The following SHISA6 variants were observed in gnomAD, a reference collection of about 807,000 sequenced individuals.
SHISA6 encodes the protein protein shisa-6.
SHISA6 carries 22 observed loss-of-function variants against 47.9 expected under a neutral mutation model. That is an observed-to-expected ratio of 0.46 (90% CI 0.33 to 0.66). The LOEUF (loss-of-function observed/expected upper bound fraction) is 0.66, where lower values mean the gene tolerates loss of function less well. Among genes scored for constraint, SHISA6 ranks in the 30% least tolerant of loss-of-function variants. The probability of loss-of-function intolerance (pLI) is 0.02; values close to 1 mark genes in which losing one functional copy is unlikely to be tolerated. For synonymous variants in SHISA6, 388 were observed against 337.8 expected (o/e 1.15, Z -1.63); for missense variants, 680 against 764.6 (o/e 0.89, Z 1.30).
chr17:11,381,914 A>T (rs569581454), intron 3 of SHISA6, among the ~76,000 whole-genome samples: 1 of 152,086 alleles, frequency 6.6e-6, no homozygotes, highest in Non-Finnish European at 1.5e-5. Flanking sequence ...TCCTTTCTCT[A>T]CCAAGGCTTC....
chr17:11,549,725 C>T (rs1288086402), intron 3 of SHISA6, among the ~76,000 whole-genome samples: 1 of 152,182 alleles, frequency 6.6e-6, no homozygotes, highest in Non-Finnish European at 1.5e-5. Context: ...TCCAGAAACT[C>T]CAGACTGAAT....
intron 3 of SHISA6, among the ~76,000 whole-genome samples, chr17:11,550,221 T>C (rs545914061): frequency 1.6e-4 from 25 of 152,210 alleles, no homozygotes; most frequent in Admixed American, 1.6e-3. Context: ...CATGTCTGTA[T>C]AATTTTTGTA....
intron 3 of SHISA6, among the ~76,000 whole-genome samples, chr17:11,430,757 T>C (rs1914748435): frequency 6.6e-6 from 1 of 152,178 alleles, no homozygotes; most frequent in Admixed American, 6.5e-5. Flanking sequence ...CCTACAGCAT[T>C]ACTCAGAGGT....
intron 3 of SHISA6, among the ~76,000 whole-genome samples, chr17:11,534,333 T>C (rs918616314): frequency 6.6e-6 from 1 of 151,978 alleles, no homozygotes; most frequent in Non-Finnish European, 1.5e-5. Context: ...AAATATTTAT[T>C]GAGCAATTGA....
chr17:11,430,671 C>A (rs987774390), intron 3 of SHISA6, among the ~76,000 whole-genome samples: 1 of 152,108 alleles, frequency 6.6e-6, no homozygotes, highest in Non-Finnish European at 1.5e-5. Flanking sequence ...CCTTGGCTGA[C>A]CTGGGCTCCA....
At chr17:11,381,086 G>C (rs1429704830) in intron 3 of SHISA6, among the ~76,000 whole-genome samples, 3 of 152,150 alleles carry the variant, frequency 2.0e-5, no homozygotes, top group African/African-American at 7.2e-5. Flanking sequence ...GGATTGTTGG[G>C]GGCCAATTCG....
At chr17:11,455,744 G>A (rs552448396) in intron 3 of SHISA6, among the ~76,000 whole-genome samples, 1 of 152,210 alleles carries the variant, frequency 6.6e-6, no homozygotes, top group African/African-American at 2.4e-5. Context: ...TTTAGAAGGC[G>A]ACATCCTCAC....
intron 2 of SHISA6, among the ~76,000 whole-genome samples, chr17:11,313,503 G>A (rs1910403877): frequency 6.6e-6 from 1 of 152,142 alleles, no homozygotes; most frequent in Non-Finnish European, 1.5e-5. Context: ...ATCCAGAAAC[G>A]AGTAATCAGA....
At chr17:11,276,349 C>T (rs147361506) in intron 2 of SHISA6, among the ~76,000 whole-genome samples, 14 of 152,038 alleles carry the variant, frequency 9.2e-5, no homozygotes, top group South Asian at 8.3e-4. Flanking sequence ...TTGCATCACC[C>T]GGGTGATGGG....
chr17:11,427,147 GT>G (rs933229784), intron 3 of SHISA6, among the ~76,000 whole-genome samples: 4 of 152,028 alleles, frequency 2.6e-5, no homozygotes, highest in African/African-American at 9.7e-5. Context: ...TGTTGTTGTT[GT>G]TTTGAGACAG....
intron 3 of SHISA6, among the ~76,000 whole-genome samples, chr17:11,526,647 C>G (rs1302811916): frequency 1.3e-5 from 2 of 151,944 alleles, no homozygotes; most frequent in African/African-American, 2.4e-5. Flanking sequence ...TACTTAGAAC[C>G]CAATGATAGT....
chr17:11,261,038 A>G (rs945883816), intron 1 of SHISA6, among the ~76,000 whole-genome samples: 2 of 151,970 alleles, frequency 1.3e-5, no homozygotes, highest in Non-Finnish European at 2.9e-5. Flanking sequence ...AGAATCGCAC[A>G]TTTCAGAACT....
intron 2 of SHISA6, among the ~76,000 whole-genome samples, chr17:11,371,833 T>G (rs976541566): frequency 6.6e-6 from 1 of 152,002 alleles, no homozygotes; most frequent in Non-Finnish European, 1.5e-5. Flanking sequence ...ATTCAAAAAT[T>G]AAAGAAAATA....
Position 11,263,392 on chromosome 17 carries a change from A to G in SHISA6, c.665A>G (p.Gln222Arg), listed in dbSNP as rs1286363249. ...GCTCTGGCTGACATCTTAAGACAAC[A>G]GGGACCAATCCCCATAGCACACTGT... ...HRALADILRQ[Q>R]GPIPIAHCER... The change falls in exon 2 of 6, where the codon CAG becomes CGG. Residue 222 changes from glutamine (Q) to arginine (R), a missense_variant. Physicochemically the swap from Gln to Arg is conservative, Grantham distance 43. Coordinates refer to ENST00000441885, the MANE Select transcript of SHISA6 (RefSeq NM_207386.4). The G allele has an allele frequency of 1.9e-5, 30 of 1,552,046 alleles. No homozygotes were observed. Among genetic ancestry groups the G allele is most frequent in the Non-Finnish European group, 2.5e-5 (29 of 1,147,110 alleles).
At chr17:11,333,250 A>T (rs1438281877) in intron 2 of SHISA6, among the ~76,000 whole-genome samples, 2 of 152,112 alleles carry the variant, frequency 1.3e-5, no homozygotes, top group Non-Finnish European at 2.9e-5. Context: ...AGAGTGTGGA[A>T]CTATAAGAAA....
chr17:11,521,343 C>T (rs117189244), intron 3 of SHISA6, among the ~76,000 whole-genome samples: 1 of 152,064 alleles, frequency 6.6e-6, no homozygotes, highest in African/African-American at 2.4e-5. Context: ...TCAATTCATC[C>T]TTATTCTAAG....
intron 3 of SHISA6, among the ~76,000 whole-genome samples, chr17:11,446,224 A>G (rs916593567): frequency 6.6e-6 from 1 of 152,230 alleles, no homozygotes; most frequent in Admixed American, 6.5e-5. Flanking sequence ...ATGCAGAGGG[A>G]AGAGCGTAGG....
chr17:11,258,195 G>A lies in SHISA6; in HGVS notation c.639-5171G>A, dbSNP rs903265987. On this transcript the variant is annotated intron_variant, in intron 1 of 5. Transcript: ENST00000441885. Reference sequence around the variant, plus strand: ...CATTTTCTTCCTACCATCCCGAAAAGAGAAAGGGCATGATTAGGGCTCGAA... The same window carrying A: ...CATTTTCTTCCTACCATCCCGAAAAAAGAAAGGGCATGATTAGGGCTCGAA... Among the ~76,000 whole-genome samples, 17 of 152,296 alleles carry A rather than the reference G, an allele frequency of 1.1e-4. No individual in the cohort carries two copies. The South Asian group carries it at 3.5e-3, about 32-fold the overall frequency.
chr17:11,442,752 G>A (rs781568334), intron 3 of SHISA6, among the ~76,000 whole-genome samples: 4 of 152,134 alleles, frequency 2.6e-5, no homozygotes, highest in East Asian at 1.9e-4. Flanking sequence ...CTGTGGGAGT[G>A]GGGGAGGAAG....
Sources: allele counts gnomAD v4.1 joint callset (sites outside exome capture counted in the v4.1 genomes callset), GRCh38; gene constraint gnomAD v4.1.1; transcripts MANE v1.5; gene names NCBI Gene and HGNC (gene_info 2026-07-23, HGNC 2026-07-21).